GTF2H5: variants seen among roughly 807,000 people sequenced by gnomAD.
GTF2H5 encodes TFB5 ortholog.
A neutral mutation model predicts 7.1 loss-of-function variants in GTF2H5; 5 were observed. The observed-to-expected ratio is 0.71, with a 90% CI of 0.37 to 1.49. The LOEUF (loss-of-function observed/expected upper bound fraction) is 1.49, where lower values mean the gene tolerates loss of function less well. Among genes scored for constraint, GTF2H5 ranks in the 40% most tolerant of loss-of-function variants. The pLI, the probability that GTF2H5 is intolerant of heterozygous loss-of-function variation, is 0.03. For missense variants in GTF2H5, 80 were observed against 83.0 expected (o/e 0.96, Z 0.14); for synonymous variants, 30 against 31.7 (o/e 0.95, Z 0.18).
intron 2 of GTF2H5, among the ~76,000 whole-genome samples, chr6:158,188,788 C>T (rs943464395): frequency 6.6e-6 from 1 of 152,154 alleles, no homozygotes; most frequent in Non-Finnish European, 1.5e-5. Context: ...CATTCAGTTG[C>T]ATGTCAGTGT....
In GTF2H5 at chr6:158,198,131, G is replaced by A. The variant is rs1202394667; in HGVS notation, c.*5974G>A. 1 of 152,132 alleles carries A rather than the reference G, an allele frequency of 6.6e-6. No homozygotes were observed. Among genetic ancestry groups the A allele is most frequent in the Non-Finnish European group, 1.5e-5 (1 of 68,024 alleles). 9.4% of individuals were successfully genotyped at this position (152,132 alleles called of 1,614,324 possible). A position where few individuals can be genotyped will look rare whatever the true frequency, so the allele number is the denominator to read the frequency against. ...GGAAGATAGAAACACACACATATGCGTTGTTTTCCCCACTTTCACAATGCC... is the reference window on the plus strand; with the variant it reads ...GGAAGATAGAAACACACACATATGCATTGTTTTCCCCACTTTCACAATGCC... On this transcript the variant is annotated 3_prime_UTR_variant, in exon 3 of 3. Transcript: ENST00000607778.
At chr6:158,169,714 A>ATATAATATATATTATATAATATATTG (rs1554267146) in intron 1 of GTF2H5, among the ~76,000 whole-genome samples, 1 of 48,622 alleles carries the variant, frequency 2.1e-5, no homozygotes, top group Non-Finnish European at 3.2e-5. Flanking sequence ...ATTGTATATT[A>ATATAATATATATTATATAATATATTG]TATATTATAT....
intron 2 of GTF2H5, among the ~76,000 whole-genome samples, chr6:158,172,366 C>T (rs149506194): frequency 7.9e-5 from 12 of 151,004 alleles, no homozygotes; most frequent in African/African-American, 2.9e-4. Flanking sequence ...GGTTGGAGTG[C>T]AGTGGCGCGA....
At position 158,195,876 on chromosome 6, in the gene GTF2H5, G is replaced by C. The variant is rs1583641849; in HGVS notation, c.*3719G>C. On this transcript the variant is annotated 3_prime_UTR_variant, in exon 3 of 3. Coordinates refer to ENST00000607778, the MANE Select transcript of GTF2H5 (RefSeq NM_207118.3). ...AAATATAGTCAATAAATATTCTCAA[G>C]TGTACGTAGCTCAATTTCATTTGCA... 6.6e-6 allele frequency: 1 copy of C among 152,226 alleles called. No homozygotes were observed. Among genetic ancestry groups the C allele is most frequent in the Non-Finnish European group, 1.5e-5 (1 of 68,040 alleles). The allele number at this position is 152,226 out of a possible 1,614,324, so 9.4% of individuals were successfully genotyped here.
rs1562478119 is a variant in GTF2H5, at chr6:158,195,227, T to G, written c.*3070T>G. The G allele has an allele frequency of 6.6e-6, 1 of 150,502 alleles. No homozygotes were observed. The highest frequency in any genetic ancestry group is 2.5e-5 in the African/African-American group (1 of 39,846). The allele number at this position is 150,502 out of a possible 1,614,324, so 9.3% of individuals were successfully genotyped here. On this transcript the variant is annotated 3_prime_UTR_variant, in exon 3 of 3. Transcript: ENST00000607778. The stretch of plus-strand genomic sequence containing the variant: ...GGAGGATCACTGAAGCCCAGGAGTT[T>G]GAAGCTGCAGTAAGCTAAGAAGGTG...
intron 2 of GTF2H5, among the ~76,000 whole-genome samples, chr6:158,188,610 C>T (rs569349444): frequency 3.3e-5 from 5 of 152,228 alleles, no homozygotes; most frequent in Admixed American, 3.3e-4. Flanking sequence ...CAGTGTCTTA[C>T]TGTTCTAGAA....
In GTF2H5 at chr6:158,170,533, A is replaced by T. The variant is rs781202227; in HGVS notation, c.30A>T (p.Ile10=). The change falls in exon 2 of 3, where the codon ATA becomes ATT. Residue 10 remains isoleucine (I), a synonymous_variant. Coordinates refer to ENST00000607778, the MANE Select transcript of GTF2H5 (RefSeq NM_207118.3). MVNVLKGVL[I]ECDPAMKQFL... ...TCAACGTCTTGAAAGGAGTGCTTAT[A>T]GAATGGTTAGTAGTTTTGATACTGC... 79 of 1,606,478 alleles carry T rather than the reference A, an allele frequency of 4.9e-5. No homozygotes were observed. The highest frequency in any genetic ancestry group is 4.9e-5 in the Non-Finnish European group (58 of 1,173,064).
At chr6:158,174,345 C>A (rs1046666963) in intron 2 of GTF2H5, among the ~76,000 whole-genome samples, 1 of 152,122 alleles carries the variant, frequency 6.6e-6, no homozygotes, top group African/African-American at 2.4e-5. Context: ...TTAAGTTTAA[C>A]TGATTTTGAG....
At chr6:158,185,785 G>C (rs1438988008) in intron 2 of GTF2H5, among the ~76,000 whole-genome samples, 1 of 151,972 alleles carries the variant, frequency 6.6e-6, no homozygotes, top group Non-Finnish European at 1.5e-5. Context: ...AGGCGGGTGG[G>C]TTGCTTGAGT....
rs1777133687 is a variant in GTF2H5, at chr6:158,197,663, C to T, written c.*5506C>T. On this transcript the variant is annotated 3_prime_UTR_variant, in exon 3 of 3. Coordinates refer to ENST00000607778, the MANE Select transcript of GTF2H5 (RefSeq NM_207118.3). ...GTTTCGAGAGAAATCCAAAGCTTAG[C>T]AGAGAAACGCCTGGGAAAGCTTCAC... 6.6e-6 allele frequency: 1 copy of T among 152,170 alleles called. No individual in the cohort carries two copies. Among genetic ancestry groups the T allele is most frequent in the Non-Finnish European group, 1.5e-5 (1 of 68,030 alleles). The allele number at this position is 152,170 out of a possible 1,614,324, so 9.4% of individuals were successfully genotyped here.
At chr6:158,186,019 T>G (rs1165250329) in intron 2 of GTF2H5, among the ~76,000 whole-genome samples, 3 of 152,108 alleles carry the variant, frequency 2.0e-5, no homozygotes, top group South Asian at 2.1e-4. Flanking sequence ...GCAAAAAAAT[T>G]TTTTATATGA....
intron 1 of GTF2H5, among the ~76,000 whole-genome samples, chr6:158,168,981 C>T (rs531921224): frequency 6.6e-6 from 1 of 152,014 alleles, no homozygotes; most frequent in South Asian, 2.1e-4. Context: ...CACCTGTTGT[C>T]CCAGCACTTT....
intron 2 of GTF2H5, among the ~76,000 whole-genome samples, chr6:158,187,953 T>C (rs1776957840): frequency 6.6e-6 from 1 of 152,160 alleles, no homozygotes; most frequent in South Asian, 2.1e-4. Flanking sequence ...CCCATTCCCA[T>C]CATGGCCTGA....
At position 158,169,404 on chromosome 6, in the gene GTF2H5, G is replaced by GTATATTATATATAT. The variant is rs1785723461; in HGVS notation, c.-35+1021_-35+1022insATTATATTATATAT. 1.0e-4 allele frequency among the ~76,000 whole-genome samples: 8 copies of GTATATTATATATAT among 77,202 alleles called. 1 individual carries two copies. The highest frequency in any genetic ancestry group is 4.5e-4 in the African/African-American group (8 of 17,830). 50.6% of individuals were successfully genotyped at this position (77,202 alleles called of 152,430 possible). A position where few individuals can be genotyped will look rare whatever the true frequency, so the allele number is the denominator to read the frequency against. ...TATATATTATATATAATATTATATT[G>GTATATTATATATAT]TATATTATATATTATATATAATATA... On this transcript the variant is annotated intron_variant, in intron 1 of 2. Transcript: ENST00000607778.
At chr6:158,176,630 G>C (rs988537939) in intron 2 of GTF2H5, among the ~76,000 whole-genome samples, 1 of 152,144 alleles carries the variant, frequency 6.6e-6, no homozygotes, top group Non-Finnish European at 1.5e-5. Context: ...AGACCAGCTC[G>C]GTCTGGGAGA....
At position 158,192,672 on chromosome 6, in the gene GTF2H5, A is replaced by G. The variant is rs2128432301; in HGVS notation, c.*515A>G. 1 of 160,704 alleles carries G rather than the reference A, an allele frequency of 6.2e-6. No homozygotes were observed. The highest frequency in any genetic ancestry group is 1.4e-5 in the Non-Finnish European group (1 of 72,924). The allele number at this position is 160,704 out of a possible 1,614,324, so 10.0% of individuals were successfully genotyped here. On this transcript the variant is annotated 3_prime_UTR_variant, in exon 3 of 3. Transcript: ENST00000607778. ...AAACTACAGTTTGCATTTCCCTGAA[A>G]ACAGAATATTGTTTTTAAGAGGGTT...
chr6:158,181,248 A>AT (rs1467852009), intron 2 of GTF2H5, among the ~76,000 whole-genome samples: 1 of 152,074 alleles, frequency 6.6e-6, no homozygotes, highest in African/African-American at 2.4e-5. Context: ...GTTTGTTGTG[A>AT]TTTCTGTTCT....
intron 1 of GTF2H5, among the ~76,000 whole-genome samples, chr6:158,169,549 CTGT>C (rs1785758825): frequency 3.8e-5 from 2 of 52,620 alleles, no homozygotes; most frequent in African/African-American, 7.9e-5. Context: ...ATATAATATA[CTGT>C]ATATTATATA....
intron 2 of GTF2H5, among the ~76,000 whole-genome samples, chr6:158,175,046 A>ATATATGTGTGTGTGTGTGTGTGTGTG (rs1350204806): frequency 2.4e-5 from 1 of 41,708 alleles, no homozygotes; most frequent in African/African-American, 1.0e-4. Flanking sequence ...GTGTGTGTGT[A>ATATATGTGTGTGTGTGTGTGTGTGTG]TACACACACA....
Sources: gnomAD v4.1 joint callset for allele counts (sites outside exome capture counted in the v4.1 genomes callset) on GRCh38, gnomAD v4.1.1 for gene constraint, MANE v1.5 for transcripts, NCBI Gene and HGNC (gene_info 2026-07-23, HGNC 2026-07-21) for gene names.